Variants in LRRC39 observed in about 807,000 individuals in gnomAD.
LRRC39 encodes the protein leucine rich repeat containing 39.
Under a neutral mutation model 39.7 loss-of-function variants are expected in LRRC39, and 35 were observed. The ratio of observed to expected loss-of-function variants is 0.88; its 90% CI spans 0.67 to 1.17. The LOEUF is 1.17. LRRC39 is among the 50% of genes most tolerant of loss of function. The pLI, the probability that LRRC39 is intolerant of heterozygous loss-of-function variation, is 0.00. For missense variants in LRRC39, 357 were observed against 385.8 expected (o/e 0.93, Z 0.62); for synonymous variants, 113 against 134.1 (o/e 0.84, Z 1.09).
chr1:100,160,346 G>A, intron 4 of LRRC39, 120 bp downstream of exon 4: 3 of 613,232 alleles, frequency 4.9e-6, no homozygotes, highest in Non-Finnish European at 8.0e-6. Context: ...AATTCATTTG[G>A]TGTATTATTA....
chr1:100,159,482 A>G, intron 4 of LRRC39, 67 bp from the exon 5 acceptor site: 1 of 1,265,174 alleles, frequency 7.9e-7, no homozygotes, highest in Non-Finnish European at 1.0e-6. Context: ...CCACCCTGAA[A>G]TGTGATATTT....
At chr1:100,158,401 G>T (rs373579306) in intron 5 of LRRC39, 34 bp from the exon 6 acceptor site, 55 of 1,562,518 alleles carry the variant, frequency 3.5e-5, no homozygotes, top group Non-Finnish European at 4.7e-5. Context: ...AGAGGAGTTG[G>T]ATATAAAATA....
At chr1:100,165,945 G>A (rs957235933) in intron 3 of LRRC39, among the ~76,000 whole-genome samples, 1 of 148,906 alleles carries the variant, frequency 6.7e-6, no homozygotes, top group African/African-American at 2.5e-5. Flanking sequence ...TGCAATCTTG[G>A]CTTACTGCAA....
chr1:100,160,414 C>G lies in LRRC39; in HGVS notation c.219+52G>C. The G allele has an allele frequency of 1.8e-5, 25 of 1,414,568 alleles. 1 individual carries two copies. In the South Asian group the frequency reaches 2.8e-4, roughly 16 times the overall value. 87.6% of individuals were successfully genotyped at this position (1,414,568 alleles called of 1,614,324 possible). A position where few individuals can be genotyped will look rare whatever the true frequency, so the allele number is the denominator to read the frequency against. On this transcript the variant is annotated intron_variant, in intron 4 of 9. Transcript: ENST00000370137. ...CACAGTCTCAGAATCATTCTCTCAA[C>G]TGACTCACAAAATGCAAAATGTGGA...
intron 3 of LRRC39, among the ~76,000 whole-genome samples, chr1:100,167,675 T>G (rs1379005919): frequency 6.6e-6 from 1 of 151,826 alleles, no homozygotes; most frequent in African/African-American, 2.4e-5. Context: ...CTTGGAAGGC[T>G]GAGGCAGGGA....
chr1:100,154,004 G>A (rs1237097215), intron 8 of LRRC39, among the ~76,000 whole-genome samples: 1 of 151,586 alleles, frequency 6.6e-6, no homozygotes, highest in Non-Finnish European at 1.5e-5. Context: ...TTTATGTTGT[G>A]AGTGAAGTTT....
At chr1:100,168,354 GATA>G (rs1338096040) in intron 3 of LRRC39, 47 bp downstream of exon 3, 2 of 1,341,838 alleles carry the variant, frequency 1.5e-6, no homozygotes, top group Non-Finnish European at 2.1e-6. Context: ...TTATGGTGAT[GATA>G]ATATGAATTT....
chr1:100,151,098 T>C lies in LRRC39; in HGVS notation c.952+1287A>G, dbSNP rs967112681. On this transcript the variant is annotated intron_variant, in intron 9 of 9. Transcript: ENST00000370137. ...GAGCCGAGATTGCACCATTGCACTCTAGCCTGGGCAACCAGAGAGAAACTC... is the reference window on the plus strand; with the variant it reads ...GAGCCGAGATTGCACCATTGCACTCCAGCCTGGGCAACCAGAGAGAAACTC... 5.1e-4 allele frequency among the ~76,000 whole-genome samples: 63 copies of C among 124,340 alleles called. 1 individual carries two copies. The highest frequency in any genetic ancestry group is 2.7e-3 in the Admixed American group (24 of 8,868). The allele number at this position is 124,340 out of a possible 152,430, so 81.6% of individuals were successfully genotyped here.
At chr1:100,166,775 G>T (rs1659275342) in intron 3 of LRRC39, among the ~76,000 whole-genome samples, 1 of 152,170 alleles carries the variant, frequency 6.6e-6, no homozygotes. Context: ...GCAGAAATTT[G>T]TATAAGTAAT....
At chr1:100,160,085 T>G (rs1381532024) in intron 4 of LRRC39, among the ~76,000 whole-genome samples, 3 of 152,216 alleles carry the variant, frequency 2.0e-5, no homozygotes, top group Non-Finnish European at 2.9e-5. Flanking sequence ...GAATATGAGT[T>G]AGGTGGTAGA....
Position 100,148,610 on chromosome 1 carries a change from G to T in LRRC39, c.*432C>A. The T allele has an allele frequency of 1.3e-6, 2 of 1,590,002 alleles. No homozygotes were observed. Among genetic ancestry groups the T allele is most frequent in the Non-Finnish European group, 8.5e-7 (1 of 1,172,720 alleles). On this transcript the variant is annotated 3_prime_UTR_variant, in exon 10 of 10. Transcript: ENST00000370137. ...AAAATTTTAACAATGTTTTGTGTGT[G>T]TTTATTCAATTTAGGCTTCTTAGTG...
At chr1:100,159,031 G>T (rs1438067774) in intron 5 of LRRC39, among the ~76,000 whole-genome samples, 3 of 151,966 alleles carry the variant, frequency 2.0e-5, no homozygotes, top group Admixed American at 2.0e-4. Flanking sequence ...AGAATCACAG[G>T]ATATTTTCCA....
rs1351059372 is a variant in LRRC39, at chr1:100,159,695, T to G, written c.220-280A>C. Among the ~76,000 whole-genome samples the G allele has an allele frequency of 4.9e-5, 7 of 143,516 alleles. No homozygotes were observed. The South Asian group carries it at 1.7e-3, about 35-fold the overall frequency. The allele number at this position is 143,516 out of a possible 152,430, so 94.2% of individuals were successfully genotyped here. A position where few individuals can be genotyped will look rare whatever the true frequency, so the allele number is the denominator to read the frequency against. ...TATTTTGATCAATAATGTACACACA[T>G]CCAGTATGTCCTGATGATTCTGTTA... On this transcript the variant is annotated intron_variant, in intron 4 of 9. Coordinates refer to ENST00000370137, the MANE Select transcript of LRRC39 (RefSeq NM_144620.4).
rs368774584 is a variant in LRRC39 at position 100,161,364 on chromosome 1, G to T, written c.114-793C>A. 1.1e-4 allele frequency among the ~76,000 whole-genome samples: 16 copies of T among 152,202 alleles called. No individual in the cohort carries two copies. The South Asian group carries it at 1.7e-3, about 16-fold the overall frequency. On this transcript the variant is annotated intron_variant, in intron 3 of 9. Coordinates refer to ENST00000370137, the MANE Select transcript of LRRC39 (RefSeq NM_144620.4). ...TGATCATACAATATATAGCCTTTGTGTCTGCTTATTTCACTTAGCATCGTT... is the reference window on the plus strand; with the variant it reads ...TGATCATACAATATATAGCCTTTGTTTCTGCTTATTTCACTTAGCATCGTT...
chr1:100,170,673 G>A (rs565142329), intron 2 of LRRC39, among the ~76,000 whole-genome samples: 12 of 150,806 alleles, frequency 8.0e-5, no homozygotes, highest in South Asian at 4.2e-4. Flanking sequence ...TATTTCTTTC[G>A]TTTCTTCCTT....
chr1:100,159,446 A>G, intron 4 of LRRC39, 31 bp from the exon 5 acceptor site: 1 of 1,491,490 alleles, frequency 6.7e-7, no homozygotes, highest in Non-Finnish European at 8.9e-7. Context: ...GTTGTTGTAT[A>G]TTACTTAAAT....
intron 1 of LRRC39, among the ~76,000 whole-genome samples, chr1:100,176,976 G>A (rs1245825647): frequency 3.3e-5 from 5 of 152,016 alleles, no homozygotes; most frequent in Non-Finnish European, 7.4e-5. Context: ...TTCGAAGTGG[G>A]GAATCAACAG....
At chr1:100,149,222 A>T in intron 9 of LRRC39, 125 bp from the exon 10 acceptor site, 1 of 1,494,782 alleles carries the variant, frequency 6.7e-7, no homozygotes, top group Non-Finnish European at 8.9e-7. Context: ...GTAGTGATTG[A>T]TTGTAACAAG....
intron 2 of LRRC39, among the ~76,000 whole-genome samples, chr1:100,172,269 T>G (rs981778721): frequency 6.6e-6 from 1 of 152,170 alleles, no homozygotes; most frequent in Admixed American, 6.5e-5. Flanking sequence ...AGCATATGCT[T>G]GATACCAAAC....
Sources: gnomAD v4.1 joint callset for allele counts (sites outside exome capture counted in the v4.1 genomes callset) on GRCh38, gnomAD v4.1.1 for gene constraint, MANE v1.5 for transcripts, NCBI Gene and HGNC (gene_info 2026-07-23, HGNC 2026-07-21) for gene names.